TENM3: variants seen among roughly 807,000 people sequenced by gnomAD.
TENM3 encodes teneurin-3.
In TENM3, 63 loss-of-function variants were observed where a neutral mutation model predicts 255.1. That is an observed-to-expected ratio of 0.25 (90% confidence interval 0.20 to 0.30). The LOEUF (loss-of-function observed/expected upper bound fraction) is 0.30. TENM3 is among the 10% of genes least tolerant of loss of function. TENM3 has a pLI of 1.00. For synonymous variants in TENM3, 1,306 were observed against 1,322.3 expected (o/e 0.99, Z 0.27); for missense variants, 2,929 against 3,461.1 (o/e 0.85, Z 3.86).
At chr4:181,574,606 A>G in the TENM3 span, among the ~76,000 whole-genome samples, 5 of 152,236 alleles carry the variant, frequency 3.3e-5, no homozygotes, top group African/African-American at 1.2e-4. Context: ...AGTGAGTTCA[A>G]CAAAGGTCAT....
intron 1 of TENM3, among the ~76,000 whole-genome samples, chr4:182,311,961 G>T (rs1762475611): frequency 6.6e-6 from 1 of 152,178 alleles, no homozygotes; most frequent in African/African-American, 2.4e-5. Context: ...TTTGAATTTG[G>T]ACTTGATGCT....
At chr4:181,564,429 AC>A in the TENM3 span, among the ~76,000 whole-genome samples, 2 of 152,126 alleles carry the variant, frequency 1.3e-5, no homozygotes, top group Non-Finnish European at 2.9e-5. Context: ...GAACTATTAA[AC>A]AAGGGGCAGA....
chr4:182,682,134 T>C (rs1561102719), intron 11 of TENM3, 120 bp downstream of exon 11: 9 of 780,412 alleles, frequency 1.2e-5, no homozygotes, highest in African/African-American at 3.5e-5. Flanking sequence ...TGATTCTTTA[T>C]GGAAATAAAT....
intron 3 of TENM3, among the ~76,000 whole-genome samples, chr4:182,484,531 A>T (rs1327290586): frequency 6.6e-6 from 1 of 152,200 alleles, no homozygotes; most frequent in Non-Finnish European, 1.5e-5. Flanking sequence ...AAGTTGGTTG[A>T]TATGAATTAC....
At chr4:181,617,316 C>A in the TENM3 span, among the ~76,000 whole-genome samples, 9 of 152,098 alleles carry the variant, frequency 5.9e-5, no homozygotes, top group Admixed American at 3.3e-4. Flanking sequence ...CGTTTTAATT[C>A]AATTTAAACG....
the TENM3 span, among the ~76,000 whole-genome samples, chr4:181,625,731 G>C: frequency 6.6e-6 from 1 of 151,394 alleles, no homozygotes; most frequent in Non-Finnish European, 1.5e-5. Flanking sequence ...GGAGAATGGC[G>C]TGAACCCAGG....
At chr4:182,177,037 G>A (rs1013726307) in intron 1 of TENM3, among the ~76,000 whole-genome samples, 1 of 151,784 alleles carries the variant, frequency 6.6e-6, no homozygotes, top group African/African-American at 2.4e-5. Flanking sequence ...TTTTAGAGAT[G>A]ATAGTGGAAG....
At chr4:182,328,612 G>A (rs1002695880) in intron 2 of TENM3, among the ~76,000 whole-genome samples, 2 of 152,170 alleles carry the variant, frequency 1.3e-5, no homozygotes, top group Admixed American at 6.5e-5. Flanking sequence ...AGGGAAGGAA[G>A]AAGGAAGGCA....
At chr4:182,058,695 GA>G in the TENM3 span, among the ~76,000 whole-genome samples, 1 of 151,888 alleles carries the variant, frequency 6.6e-6, no homozygotes. Context: ...AAATCTCTAG[GA>G]AAAAAGCTGA....
intron 3 of TENM3, among the ~76,000 whole-genome samples, chr4:182,494,625 T>C (rs1382568128): frequency 2.0e-5 from 3 of 152,186 alleles, no homozygotes; most frequent in Non-Finnish European, 4.4e-5. Context: ...CATGCAGAAT[T>C]GATGTTTCTG....
the TENM3 span, among the ~76,000 whole-genome samples, chr4:181,532,581 G>A: frequency 1.3e-5 from 2 of 152,110 alleles, no homozygotes; most frequent in African/African-American, 2.4e-5. Flanking sequence ...ATAAATTTTG[G>A]AACAAAACAC....
At chr4:181,821,967 C>A in the TENM3 span, among the ~76,000 whole-genome samples, 1 of 152,292 alleles carries the variant, frequency 6.6e-6, no homozygotes, top group South Asian at 2.1e-4. Context: ...ATATCTCATA[C>A]AGAAAATTAT....
chr4:181,554,862 A>G, the TENM3 span, among the ~76,000 whole-genome samples: 1 of 152,234 alleles, frequency 6.6e-6, no homozygotes, highest in African/African-American at 2.4e-5. Context: ...TTATTCCAGA[A>G]GAAGAACTCA....
the TENM3 span, among the ~76,000 whole-genome samples, chr4:181,671,248 TAA>T: frequency 6.6e-6 from 1 of 152,170 alleles, no homozygotes; most frequent in Non-Finnish European, 1.5e-5. Context: ...CAATTATTGC[TAA>T]AGTTTGTCAT....
At chr4:181,458,126 T>A in the TENM3 span, among the ~76,000 whole-genome samples, 5 of 151,950 alleles carry the variant, frequency 3.3e-5, no homozygotes, top group Non-Finnish European at 5.9e-5. Context: ...AACCTTCTAA[T>A]CTTGCAAATC....
chr4:182,374,597 C>G (rs1401197038), intron 3 of TENM3, among the ~76,000 whole-genome samples: 1 of 152,152 alleles, frequency 6.6e-6, no homozygotes, highest in African/African-American at 2.4e-5. Flanking sequence ...GTTCATTAGC[C>G]TTGTCTTTCT....
the TENM3 span, among the ~76,000 whole-genome samples, chr4:181,972,436 CAAAAA>C: frequency 1.1e-4 from 13 of 115,112 alleles, no homozygotes; most frequent in African/African-American, 1.6e-4. Context: ...CCTCCTTGTC[CAAAAA>C]AAAAAAAAAA....
chr4:181,835,683 A>G, the TENM3 span, among the ~76,000 whole-genome samples: 1 of 152,210 alleles, frequency 6.6e-6, no homozygotes, highest in Non-Finnish European at 1.5e-5. Context: ...CCAGTTATTT[A>G]ATGAAGAACG....
chr4:181,709,941 G>A, the TENM3 span, among the ~76,000 whole-genome samples: 1 of 152,180 alleles, frequency 6.6e-6, no homozygotes. Flanking sequence ...AGAGACTGAA[G>A]AAGAAGTGTA....
Sources: allele counts gnomAD v4.1 joint callset (sites outside exome capture counted in the v4.1 genomes callset), GRCh38; gene constraint gnomAD v4.1.1; transcripts MANE v1.5; gene names NCBI Gene and HGNC (gene_info 2026-07-23, HGNC 2026-07-21).